The following DMD variants were observed in gnomAD, a reference collection of about 807,000 sequenced individuals.
The protein encoded by DMD is dystrophin.
DMD carries 63 observed loss-of-function variants against 330.1 expected under a neutral mutation model. The ratio of observed to expected loss-of-function variants is 0.19; its 90% CI spans 0.16 to 0.24. The LOEUF is 0.24. DMD is among the 10% of genes least tolerant of loss of function. The probability of loss-of-function intolerance (pLI) is 1.00; values close to 1 mark genes in which losing one functional copy is unlikely to be tolerated. For synonymous variants in DMD, 1,223 were observed against 959.8 expected, an observed-to-expected ratio of 1.27 and a Z score of -5.07; for missense variants, 3,344 against 2,684.1, an observed-to-expected ratio of 1.25 and a Z score of -5.43.
intron 55 of DMD, among the ~76,000 whole-genome samples, chrX:31,531,822 G>C: frequency 9.8e-6 from 1 of 102,536 alleles, no homozygotes; most frequent in Non-Finnish European, 2.0e-5. Flanking sequence ...CAAGGCTCGA[G>C]AACTACGTGA....
intron 2 of DMD, among the ~76,000 whole-genome samples, chrX:32,927,158 G>A: frequency 9.0e-6 from 1 of 111,173 alleles, no homozygotes; most frequent in Non-Finnish European, 1.9e-5. Flanking sequence ...TGGCAGAAAA[G>A]TTTCCATCTT....
chrX:31,361,040 C>T (rs1016571208), intron 60 of DMD, among the ~76,000 whole-genome samples: 1 of 110,644 alleles, frequency 9.0e-6, no homozygotes, highest in African/African-American at 3.3e-5. Context: ...GGGAGGATCA[C>T]TTGAACCCAG....
At chrX:32,525,633 T>A (rs1019086071) in intron 17 of DMD, among the ~76,000 whole-genome samples, 1 of 111,609 alleles carries the variant, frequency 9.0e-6, no homozygotes, top group Non-Finnish European at 1.9e-5. Context: ...CGTGTAGTTT[T>A]CATGTATTTC....
intron 55 of DMD, 56 bp from the exon 56 acceptor site, chrX:31,507,509 C>T (rs2071072665): frequency 1.8e-5 from 19 of 1,084,023 alleles, no homozygotes; most frequent in East Asian, 3.2e-5. Context: ...AAGAAACAAG[C>T]GATGAATGTG....
At chrX:31,980,449 A>G (rs1168459469) in intron 44 of DMD, among the ~76,000 whole-genome samples, 1 of 112,320 alleles carries the variant, frequency 8.9e-6, no homozygotes, top group African/African-American at 3.2e-5. Flanking sequence ...GATTTCATTT[A>G]TACAAATTTT....
intron 1 of DMD, among the ~76,000 whole-genome samples, chrX:33,060,077 G>A (rs2094564228): frequency 9.0e-6 from 1 of 111,457 alleles, no homozygotes; most frequent in Admixed American, 9.6e-5. Flanking sequence ...TCACGGTAAG[G>A]CAGGCTTTAT....
chrX:32,339,377 T>C (rs1474003559), intron 41 of DMD, among the ~76,000 whole-genome samples: 1 of 112,251 alleles, frequency 8.9e-6, no homozygotes, highest in Non-Finnish European at 1.9e-5. Flanking sequence ...ATATTAGAAA[T>C]GATTGGAATT....
At chrX:31,408,578 T>C (rs1194568278) in intron 60 of DMD, among the ~76,000 whole-genome samples, 2 of 110,884 alleles carry the variant, frequency 1.8e-5, no homozygotes, top group African/African-American at 6.6e-5. Context: ...TTTGTATTTT[T>C]AGTGGAAACG....
chrX:31,298,684 T>C (rs192746990), intron 62 of DMD, among the ~76,000 whole-genome samples: 48 of 112,168 alleles, frequency 4.3e-4, no homozygotes, highest in African/African-American at 1.5e-3. Flanking sequence ...TTTTCATGAA[T>C]ACAGACTCTC....
intron 1 of DMD, among the ~76,000 whole-genome samples, chrX:33,223,026 A>G (rs932091679): frequency 8.0e-5 from 9 of 112,067 alleles, no homozygotes; most frequent in Admixed American, 7.6e-4. Flanking sequence ...ACAACATTGA[A>G]GGGCTGGGCG....
intron 52 of DMD, among the ~76,000 whole-genome samples, chrX:31,692,766 G>A (rs2083208828): frequency 9.0e-6 from 1 of 111,713 alleles, no homozygotes; most frequent in African/African-American, 3.2e-5. Context: ...GAGTTAAGGA[G>A]ATTGCATCAG....
chrX:31,579,213 G>A (rs957499025), intron 55 of DMD, among the ~76,000 whole-genome samples: 2 of 112,463 alleles, frequency 1.8e-5, no homozygotes, highest in South Asian at 3.7e-4. Context: ...TCCAAGAAGT[G>A]TGATAAATCT....
chrX:31,627,923 C>T, intron 54 of DMD, 61 bp from the exon 55 acceptor site: 1 of 1,077,148 alleles, frequency 9.3e-7, no homozygotes, highest in Non-Finnish European at 1.3e-6. Flanking sequence ...ACCTAGTGAA[C>T]TCCATAAAAA....
intron 17 of DMD, among the ~76,000 whole-genome samples, chrX:32,531,289 C>T (rs1393214720): frequency 9.0e-6 from 1 of 111,403 alleles, no homozygotes; most frequent in African/African-American, 3.3e-5. Context: ...TTTGGAGAGT[C>T]ATGCTTAGTT....
chrX:32,346,208 T>C, intron 38 of DMD, 128 bp from the exon 39 acceptor site: 2 of 735,541 alleles, frequency 2.7e-6, no homozygotes. Flanking sequence ...TGGAATGCTA[T>C]TATAAGATAC....
At chrX:32,480,639 T>A (rs915943912) in intron 21 of DMD, among the ~76,000 whole-genome samples, 18 of 106,386 alleles carry the variant, frequency 1.7e-4, no homozygotes, top group African/African-American at 6.9e-4. Flanking sequence ...TGTACATACG[T>A]ATATGCACAC....
intron 44 of DMD, among the ~76,000 whole-genome samples, chrX:32,132,993 C>CTTTTCTTTTTTTTTTTTTTTT (rs2096705124): frequency 1.8e-4 from 14 of 75,961 alleles, no homozygotes; most frequent in African/African-American, 8.3e-4. Flanking sequence ...CTTTTCTTTT[C>CTTTTCTTTTTTTTTTTTTTTT]TTTTTTTTTT....
chrX:32,432,385 C>A (rs183326044), intron 29 of DMD, among the ~76,000 whole-genome samples: 1 of 111,678 alleles, frequency 9.0e-6, no homozygotes, highest in Non-Finnish European at 1.9e-5. Context: ...AGGCATGTTA[C>A]GGCATGACTT....
chrX:33,120,695 A>C (rs189375769), intron 1 of DMD, among the ~76,000 whole-genome samples: 7 of 109,801 alleles, frequency 6.4e-5, no homozygotes, highest in African/African-American at 2.3e-4. Flanking sequence ...AGCCTGGCCA[A>C]CGTGGCGAAA....
Sources: allele counts gnomAD v4.1 joint callset (sites outside exome capture counted in the v4.1 genomes callset), GRCh38; gene constraint gnomAD v4.1.1; transcripts MANE v1.5; gene names NCBI Gene and HGNC (gene_info 2026-07-23, HGNC 2026-07-21).